Variants in SP140L observed in about 807,000 individuals in gnomAD.
The protein encoded by SP140L is SP140 like nuclear body protein.
In SP140L, 64 loss-of-function variants were observed where a neutral mutation model predicts 84.3. That is an observed-to-expected ratio of 0.76 (90% CI 0.62 to 0.94). SP140L has a LOEUF of 0.94. SP140L is among the 40% of genes least tolerant of loss of function. SP140L has a pLI of 0.00. For missense variants in SP140L, 628 were observed against 692.5 expected (o/e 0.91, Z 1.05); for synonymous variants, 242 against 236.9 (o/e 1.02, Z -0.20).
In SP140L at chr2:230,383,544, A is replaced by T. The variant is rs781031202; in HGVS notation, c.672A>T (p.Gly224=). 7 of 1,606,792 alleles carry T rather than the reference A, an allele frequency of 4.4e-6. No homozygotes were observed. The African/African-American group carries it at 9.4e-5, about 21-fold the overall frequency. The change falls in exon 8 of 19, where the codon GGA becomes GGT. Residue 224 remains glycine (G), a synonymous_variant. Transcript: ENST00000415673. ...KKKGHGWSRM[G]TRTQKNNQQN... ...AGGGGCATGGCTGGAGCAGAATGGG[A>T]ACGAGAACGCAGAAAAACAACCAAC...
chr2:230,371,167 A>G (rs960710713), intron 6 of SP140L, among the ~76,000 whole-genome samples, 200 bp downstream of exon 6: 1 of 152,226 alleles, frequency 6.6e-6, no homozygotes. Flanking sequence ...TTACATATGG[A>G]TGACGTCATA....
chr2:230,359,206 C>T (rs2060640649), intron 4 of SP140L, 74 bp downstream of exon 4: 1 of 1,311,782 alleles, frequency 7.6e-7, no homozygotes, highest in Non-Finnish European at 1.1e-6. Context: ...TGAGCTCCTA[C>T]CATGTGCGAT....
At chr2:230,384,108 AT>A (rs1290291147) in intron 8 of SP140L, among the ~76,000 whole-genome samples, 1 of 152,176 alleles carries the variant, frequency 6.6e-6, no homozygotes, top group African/African-American at 2.4e-5. Context: ...CAGTGGTTAC[AT>A]TTAGTCAGTA....
intron 2 of SP140L, among the ~76,000 whole-genome samples, chr2:230,350,534 TATTG>T (rs1431772774): frequency 1.3e-5 from 2 of 152,248 alleles, no homozygotes; most frequent in African/African-American, 4.8e-5. Flanking sequence ...AACAAATACT[TATTG>T]AACACCTTGT....
At chr2:230,354,848 G>GGAAAGAAGGAAA (rs1553617503) in intron 2 of SP140L, among the ~76,000 whole-genome samples, 1 of 108,838 alleles carries the variant, frequency 9.2e-6, no homozygotes, top group Non-Finnish European at 1.8e-5. Context: ...AAGAAAGAAA[G>GGAAAGAAGGAAA]GAAAGAAAGA....
chr2:230,371,549 C>T (rs2061071453), intron 6 of SP140L, 49 bp from the exon 7 acceptor site: 1 of 1,450,504 alleles, frequency 6.9e-7, no homozygotes, highest in African/African-American at 1.4e-5. Context: ...AAATCTATAA[C>T]TTTTATTTAT....
chr2:230,388,470 T>G, intron 9 of SP140L, 89 bp from the exon 10 acceptor site: 1 of 1,104,414 alleles, frequency 9.1e-7, no homozygotes, highest in Non-Finnish European at 1.3e-6. Flanking sequence ...TTTTGGAAAG[T>G]TACATTTAAA....
chr2:230,337,508 A>G (rs1458872617), intron 2 of SP140L, among the ~76,000 whole-genome samples: 6 of 150,982 alleles, frequency 4.0e-5, no homozygotes, highest in Non-Finnish European at 7.4e-5. Flanking sequence ...ATTAGATCCC[A>G]TTTGTCAATT....
intron 7 of SP140L, 138 bp downstream of exon 7, chr2:230,371,789 A>T (rs1559437560): frequency 1.3e-6 from 1 of 760,792 alleles, no homozygotes; most frequent in Non-Finnish European, 2.2e-6. Context: ...ACCCCAAAAA[A>T]CGTCCACCTC....
intron 7 of SP140L, among the ~76,000 whole-genome samples, chr2:230,382,166 C>A (rs1408539643): frequency 1.4e-5 from 2 of 138,704 alleles, no homozygotes; most frequent in East Asian, 5.2e-4. Context: ...ACAGTCACCC[C>A]CCCACCCACC....
chr2:230,368,114 T>G (rs527762027), intron 5 of SP140L, among the ~76,000 whole-genome samples: 4 of 152,356 alleles, frequency 2.6e-5, no homozygotes, highest in African/African-American at 9.6e-5. Context: ...AGCATCTTCT[T>G]CTTTCAGCTT....
At chr2:230,392,523 G>A (rs971293864) in intron 12 of SP140L, among the ~76,000 whole-genome samples, 45 of 152,128 alleles carry the variant, frequency 3.0e-4, no homozygotes, top group African/African-American at 1.1e-3. Flanking sequence ...GAAGAGAGTC[G>A]ATAGTCAAGC....
intron 2 of SP140L, among the ~76,000 whole-genome samples, chr2:230,330,101 G>A (rs879822572): frequency 1.3e-5 from 2 of 152,110 alleles, no homozygotes; most frequent in African/African-American, 2.4e-5. Flanking sequence ...GGGCAGGCTC[G>A]ACCAGGGCAG....
chr2:230,346,170 T>G (rs1253311841), intron 2 of SP140L, among the ~76,000 whole-genome samples: 1 of 151,986 alleles, frequency 6.6e-6, no homozygotes, highest in Non-Finnish European at 1.5e-5. Flanking sequence ...TGGTTGGCAG[T>G]TTTTTTTCTT....
chr2:230,369,921 A>G (rs374162476), intron 5 of SP140L, among the ~76,000 whole-genome samples: 4 of 147,852 alleles, frequency 2.7e-5, no homozygotes, highest in Non-Finnish European at 4.4e-5. Context: ...TTACAGGCGC[A>G]CGCCACCACA....
Position 230,357,876 on chromosome 2 carries a change from A to T in SP140L, c.179A>T (p.His60Leu), listed in dbSNP as rs2060596488. Reference sequence around the variant, plus strand: ...ACTGTATTCAAGCACTTCAAAAGACATAAGCTGGAGATATCAAATGCAATA... The same window carrying T: ...ACTGTATTCAAGCACTTCAAAAGACTTAAGCTGGAGATATCAAATGCAATA... ...YDTVFKHFKR[H>L]KLEISNAIKK... Residue 60 changes from histidine to leucine, a missense_variant, in exon 3 of 19, where the codon CAT (histidine) becomes CTT (leucine). Coordinates refer to ENST00000415673, the MANE Select transcript of SP140L (RefSeq NM_138402.6). 6.2e-7 allele frequency: 1 copy of T among 1,614,040 alleles called. No homozygotes were observed. The highest frequency in any genetic ancestry group is 1.7e-5 in the Admixed American group (1 of 60,014).
At position 230,392,249 on chromosome 2, in the gene SP140L, C is replaced by T; in HGVS notation, c.1107+20C>T. On this transcript the variant is annotated intron_variant, in intron 12 of 18. Transcript: ENST00000415673. ...ATGGAGGTATTCCAATGACAAGAGG[C>T]CAGACCTGTGCCCATTCTTCTTGTT... 6.2e-7 allele frequency: 1 copy of T among 1,613,074 alleles called. No homozygotes were observed. The highest frequency in any genetic ancestry group is 2.2e-5 in the East Asian group (1 of 44,880).
intron 2 of SP140L, among the ~76,000 whole-genome samples, chr2:230,335,221 A>G (rs954796026): frequency 6.6e-6 from 1 of 151,798 alleles, no homozygotes; most frequent in Non-Finnish European, 1.5e-5. Flanking sequence ...TTCTTTCCTA[A>G]TTCTTTACTT....
At chr2:230,371,360 AG>A (rs958793082) in intron 6 of SP140L, among the ~76,000 whole-genome samples, 30 of 152,196 alleles carry the variant, frequency 2.0e-4, no homozygotes, top group African/African-American at 7.0e-4. Flanking sequence ...ATTAATTGTC[AG>A]GGGGGAAGAC....
Sources: allele counts gnomAD v4.1 joint callset (sites outside exome capture counted in the v4.1 genomes callset), GRCh38; gene constraint gnomAD v4.1.1; transcripts MANE v1.5; gene names NCBI Gene and HGNC (gene_info 2026-07-23, HGNC 2026-07-21).